The following PARVB variants were observed in gnomAD, a reference collection of about 807,000 sequenced individuals.
The protein encoded by PARVB is parvin beta, also known as beta-parvin.
PARVB carries 46 observed loss-of-function variants against 47.0 expected under a neutral mutation model. That is an observed-to-expected ratio of 0.98 (90% CI 0.77 to 1.25). PARVB has a LOEUF of 1.25. Among genes scored for constraint, PARVB ranks in the 50% most tolerant of loss-of-function variants. The pLI, the probability that PARVB is intolerant of heterozygous loss-of-function variation, is 0.00. For synonymous variants in PARVB, 196 were observed against 196.3 expected (o/e 1.00, Z 0.01); for missense variants, 473 against 471.6 (o/e 1.00, Z -0.03).
Position 44,121,773 on chromosome 22 carries a change from C to G in PARVB, c.376+2633C>G, listed in dbSNP as rs2053053346. On this transcript the variant is annotated intron_variant, in intron 4 of 12. Coordinates refer to ENST00000338758, the MANE Select transcript of PARVB (RefSeq NM_013327.5). ...TGAGTTCACACTGCTACTTCTAATT[C>G]CAGTTCAATGCTACAAGTTTATCCC... is the stretch of plus-strand genomic sequence containing the variant. Among the ~76,000 whole-genome samples the G allele has an allele frequency of 2.0e-5, 3 of 152,126 alleles. No homozygotes were observed. The South Asian group carries it at 6.2e-4, about 32-fold the overall frequency.
rs748218006 is a variant in PARVB, at chr22:44,100,131, G to A, written c.273+8G>A. On this transcript the variant is annotated splice_region_variant and intron_variant, in intron 3 of 12. Coordinates refer to ENST00000338758, the MANE Select transcript of PARVB (RefSeq NM_013327.5). ...TTCAAGGAACTGGTCAAGGTAAGGA[G>A]CTCCGTCTTGGTTGGAATCTTCCTC... The A allele has an allele frequency of 4.3e-6, 7 of 1,610,568 alleles. No individual in the cohort carries two copies. The highest frequency in any genetic ancestry group is 2.2e-5 in the South Asian group (2 of 91,012).
intron 1 of PARVB, among the ~76,000 whole-genome samples, chr22:44,093,462 A>T (rs1317218106): frequency 1.3e-5 from 2 of 152,146 alleles, no homozygotes; most frequent in African/African-American, 4.8e-5. Context: ...CAGTGACCCC[A>T]CTTTAAACTC....
chr22:44,061,465 C>CAAAACAAAA (rs1569084590), intron 1 of PARVB, among the ~76,000 whole-genome samples: 2 of 133,298 alleles, frequency 1.5e-5, no homozygotes, highest in Non-Finnish European at 3.3e-5. Context: ...ACAAAACAAA[C>CAAAACAAAA]CAAAACAGTG....
In PARVB at chr22:44,171,072, C is replaced by G. The variant is rs865959676; in HGVS notation, c.*2394C>G. 6.6e-6 allele frequency: 1 copy of G among 152,264 alleles called. No individual in the cohort carries two copies. The highest frequency in any genetic ancestry group is 1.5e-5 in the Non-Finnish European group (1 of 68,082). 9.4% of individuals were successfully genotyped at this position (152,264 alleles called of 1,614,324 possible). ...ACTGACAAAAAGCCTGGGGCTGGAACGTTCTGTGCTGCCTGCATGGCATGT... is the reference window on the plus strand; with the variant it reads ...ACTGACAAAAAGCCTGGGGCTGGAAGGTTCTGTGCTGCCTGCATGGCATGT... On this transcript the variant is annotated 3_prime_UTR_variant, in exon 13 of 13. Transcript: ENST00000338758.
At chr22:44,111,392 C>T (rs370644964) in intron 3 of PARVB, 14 of 137,538 alleles carry the variant, frequency 1.0e-4, no homozygotes, top group East Asian at 4.6e-4. Flanking sequence ...ACCAGCGGGT[C>T]GGGATTTTAG....
At chr22:44,143,731 G>C (rs1200364753) in intron 8 of PARVB, 1 of 152,412 alleles carries the variant, frequency 6.6e-6, no homozygotes, top group Non-Finnish European at 1.5e-5. Context: ...ACGGAAACAA[G>C]TCTCAGGGGT....
chr22:44,087,989 C>T (rs868112129), intron 1 of PARVB, among the ~76,000 whole-genome samples: 13 of 151,896 alleles, frequency 8.6e-5, no homozygotes, highest in Non-Finnish European at 1.3e-4. Flanking sequence ...GGCGACTGTG[C>T]CGAGGGTGTG....
At chr22:44,071,055 T>C (rs5764081) in intron 1 of PARVB, among the ~76,000 whole-genome samples, 4 of 151,926 alleles carry the variant, frequency 2.6e-5, no homozygotes, top group Non-Finnish European at 5.9e-5. Flanking sequence ...TGGAGCCCAG[T>C]ATCACTCCAG....
chr22:44,156,404 C>T (rs182643202), intron 10 of PARVB, among the ~76,000 whole-genome samples: 3 of 151,848 alleles, frequency 2.0e-5, no homozygotes, highest in African/African-American at 7.2e-5. Context: ...CTCAACCTCC[C>T]GAGTAGCTGG....
At position 44,172,352 on chromosome 22, in the gene PARVB, A is replaced by T. The variant is rs2054277139; in HGVS notation, c.*3674A>T. The T allele has an allele frequency of 6.6e-6, 1 of 152,382 alleles. No individual in the cohort carries two copies. Among genetic ancestry groups the T allele is most frequent in the Admixed American group, 6.5e-5 (1 of 15,294 alleles). 9.4% of individuals were successfully genotyped at this position (152,382 alleles called of 1,614,324 possible). A position where few individuals can be genotyped will look rare whatever the true frequency, so the allele number is the denominator to read the frequency against. On this transcript the variant is annotated 3_prime_UTR_variant, in exon 13 of 13. Coordinates refer to ENST00000338758, the MANE Select transcript of PARVB (RefSeq NM_013327.5). ...TTCAGTGAATGGTTCTTTGAAGAGG[A>T]ACCCTGGTCCATAGGAACTGAGTGA...
chr22:44,064,399 C>G (rs562482458), intron 1 of PARVB, among the ~76,000 whole-genome samples: 8 of 152,098 alleles, frequency 5.3e-5, no homozygotes, highest in Non-Finnish European at 1.0e-4. Flanking sequence ...TGTGGACTCG[C>G]GTTTGTTGAA....
At chr22:44,102,656 A>G (rs142227580) in intron 3 of PARVB, 10,102 of 151,962 alleles carry the variant, frequency 0.066, 1,151 homozygotes, top group African/African-American at 0.23. Context: ...CCTGGGCAAC[A>G]TGGTGAAACC....
rs78002155 is a variant in PARVB at position 44,125,594 on chromosome 22, G to A, written c.377-5893G>A. 2.1e-3 allele frequency among the ~76,000 whole-genome samples: 314 copies of A among 152,306 alleles called. 1 individual carries two copies. Among genetic ancestry groups the A allele is most frequent in the African/African-American group, 7.3e-3 (304 of 41,576 alleles). On this transcript the variant is annotated intron_variant, in intron 4 of 12. Coordinates refer to ENST00000338758, the MANE Select transcript of PARVB (RefSeq NM_013327.5). The surrounding 1 kb of genome is among the most constrained non-coding windows in gnomAD (Gnocchi z 4.1). ...GAGGCTCTAAAGCGAGAAAGAGCCT[G>A]TTGTGTTGGAGGAGCAGTGAAAAGA...
At chr22:44,074,098 G>A (rs997099851) in intron 1 of PARVB, among the ~76,000 whole-genome samples, 15 of 152,194 alleles carry the variant, frequency 9.9e-5, no homozygotes, top group Admixed American at 3.3e-4. Flanking sequence ...CAGAATGGCC[G>A]ACTCTGAGGC....
intron 3 of PARVB, among the ~76,000 whole-genome samples, chr22:44,118,319 C>T (rs1157882377): frequency 2.6e-5 from 4 of 152,304 alleles, no homozygotes; most frequent in Middle Eastern, 6.8e-3. Flanking sequence ...CAGACATCAT[C>T]GGCTCCTATT....
upstream of PARVB, among the ~76,000 whole-genome samples, chr22:44,019,733 A>G (rs2050625303): frequency 6.6e-6 from 1 of 152,134 alleles, no homozygotes; most frequent in Admixed American, 6.5e-5. Context: ...ACAGAGTGCA[A>G]ACTCACTCAT....
chr22:44,054,085 C>A (rs764221613), intron 1 of PARVB, among the ~76,000 whole-genome samples: 1 of 152,160 alleles, frequency 6.6e-6, no homozygotes, highest in African/African-American at 2.4e-5. Flanking sequence ...ATCTGTGCAG[C>A]CTTCCTTCCT....
intron 2 of PARVB, among the ~76,000 whole-genome samples, chr22:44,008,829 CA>C (rs948348177): frequency 3.4e-5 from 5 of 147,350 alleles, no homozygotes; most frequent in South Asian, 2.2e-4. Flanking sequence ...ACTAAAAGTA[CA>C]AAAAAAAAAT....
At chr22:44,151,185 G>A (rs6006679) in intron 9 of PARVB, 8 of 280,130 alleles carry the variant, frequency 2.9e-5, no homozygotes, top group Middle Eastern at 1.2e-3. Flanking sequence ...TCTTTCTTAA[G>A]AGCACAGGGT....
Sources: gnomAD v4.1 joint callset for allele counts (sites outside exome capture counted in the v4.1 genomes callset) on GRCh38, gnomAD v4.1.1 for gene constraint, Gnocchi (gnomAD v3.1) non-coding constraint, MANE v1.5 for transcripts, NCBI Gene and HGNC (gene_info 2026-07-23, HGNC 2026-07-21) for gene names.